ZNF215: variants seen among roughly 807,000 people sequenced by gnomAD.
The protein encoded by ZNF215 is BWSCR2-associated zinc finger protein 2.
Under a neutral mutation model 27.2 loss-of-function variants are expected in ZNF215, and 24 were observed. The observed-to-expected ratio is 0.88, with a 90% CI of 0.64 to 1.24. ZNF215 has a LOEUF of 1.24. Among genes scored for constraint, ZNF215 ranks in the 50% most tolerant of loss-of-function variants. The pLI is 0.00. For synonymous variants in ZNF215, 210 were observed against 204.0 expected (o/e 1.03, Z -0.25); for missense variants, 675 against 605.7 (o/e 1.11, Z -1.20).
intron 4 of ZNF215, 61 bp from the exon 5 acceptor site, chr11:6,943,022 C>T (rs558681941): frequency 5.7e-6 from 9 of 1,571,248 alleles, no homozygotes; most frequent in African/African-American, 2.7e-5. Context: ...CAAATCCATT[C>T]CTTCTCTGGT....
chr11:6,969,471 G>A (rs1193879645), intron 5 of ZNF215, among the ~76,000 whole-genome samples: 3 of 151,402 alleles, frequency 2.0e-5, no homozygotes, highest in Non-Finnish European at 2.9e-5. Flanking sequence ...AAGCAAACAA[G>A]AAAATTTTCA....
chr11:6,992,477 T>G (rs17277839), downstream of ZNF215, among the ~76,000 whole-genome samples: 12,342 of 152,284 alleles, frequency 0.081, 558 homozygotes, highest in East Asian at 0.18. Context: ...GATATCAACT[T>G]TGTCTTAAAT....
downstream of ZNF215, among the ~76,000 whole-genome samples, chr11:6,959,422 ATTG>A (rs1388034416): frequency 6.6e-6 from 1 of 152,230 alleles, no homozygotes; most frequent in Non-Finnish European, 1.5e-5. Flanking sequence ...GTGAGATAAA[ATTG>A]TTGTTAATTC....
At chr11:6,926,876 A>T (rs1590039170) in intron 1 of ZNF215, 191 bp downstream of exon 1, 1 of 149,384 alleles carries the variant, frequency 6.7e-6, no homozygotes, top group Admixed American at 6.8e-5. Flanking sequence ...GTGCCGGAAA[A>T]CCTGGAGGAG....
Position 6,956,381 on chromosome 11 carries a change from A to G in ZNF215, c.1404A>G (p.Gly468=). Reference sequence around the variant, plus strand: ...ATTTCTATCAATGTGTTAACTGTGGAAAATCCTTCAACCGGAGCTCCTCTC... The same window carrying G: ...ATTTCTATCAATGTGTTAACTGTGGGAAATCCTTCAACCGGAGCTCCTCTC... The part of the protein sequence containing the change: ...GNNFYQCVNC[G]KSFNRSSSLI... Residue 468 remains glycine (G), a synonymous_variant, in exon 7 of 7, where the codon GGA becomes GGG. Transcript: ENST00000278319. 10 of 1,614,176 alleles carry G rather than the reference A, an allele frequency of 6.2e-6. No homozygotes were observed. Among genetic ancestry groups the G allele is most frequent in the Non-Finnish European group, 8.5e-6 (10 of 1,180,016 alleles).
intron 5 of ZNF215, among the ~76,000 whole-genome samples, chr11:6,966,053 T>C (rs1342872002): frequency 6.6e-6 from 1 of 152,192 alleles, no homozygotes; most frequent in Non-Finnish European, 1.5e-5. Context: ...GCTTCCTTTG[T>C]TGGAAAGTTT....
intron 5 of ZNF215, among the ~76,000 whole-genome samples, chr11:6,976,408 A>G (rs1179970319): frequency 6.6e-6 from 1 of 152,050 alleles, no homozygotes; most frequent in Admixed American, 6.6e-5. Flanking sequence ...AGTAGAGGTT[A>G]CCTGAGAATA....
downstream of ZNF215, among the ~76,000 whole-genome samples, chr11:6,962,863 G>A (rs1361109478): frequency 6.6e-6 from 1 of 152,108 alleles, no homozygotes; most frequent in Non-Finnish European, 1.5e-5. Context: ...CAATGACGCT[G>A]ATTGTAAGTT....
intron 6 of ZNF215, among the ~76,000 whole-genome samples, chr11:6,946,791 G>A (rs892717655): frequency 1.3e-5 from 2 of 152,120 alleles, no homozygotes; most frequent in African/African-American, 4.8e-5. Context: ...TTTGAGGGTA[G>A]GCATAATGTT....
chr11:6,958,250 A>C (rs1564968414), downstream of ZNF215, among the ~76,000 whole-genome samples: 1 of 152,206 alleles, frequency 6.6e-6, no homozygotes, highest in African/African-American at 2.4e-5. Flanking sequence ...GACTTTTTAA[A>C]TTTAGGTATT....
At chr11:6,979,207 T>G (rs1174379724) in intron 5 of ZNF215, among the ~76,000 whole-genome samples, 7 of 152,048 alleles carry the variant, frequency 4.6e-5, no homozygotes, top group Non-Finnish European at 7.4e-5. Flanking sequence ...GATACTGTAC[T>G]CTGAGTGACA....
At chr11:6,989,513 TCAAC>T (rs1851095809), downstream of ZNF215, among the ~76,000 whole-genome samples, 1 of 152,154 alleles carries the variant, frequency 6.6e-6, no homozygotes, top group Non-Finnish European at 1.5e-5. Context: ...TATTGTCAGA[TCAAC>T]CAAGTTATAA....
chr11:6,958,027 A>T lies in ZNF215; in HGVS notation c.*1496A>T. ...AGGTATACTGGAGTGAACTCCTATG[A>T]TTAAATAATGTCAAAATCTATGTTT... is the stretch of plus-strand genomic sequence containing the variant. On this transcript the variant is annotated 3_prime_UTR_variant, in exon 7 of 7. Transcript: ENST00000278319. 1.0e-6 allele frequency: 1 copy of T among 985,424 alleles called. No individual in the cohort carries two copies. The highest frequency in any genetic ancestry group is 1.2e-6 in the Non-Finnish European group (1 of 829,932). 61.0% of individuals were successfully genotyped at this position (985,424 alleles called of 1,614,324 possible).
At chr11:6,948,884 T>A (rs12797463) in intron 6 of ZNF215, among the ~76,000 whole-genome samples, 1 of 142,490 alleles carries the variant, frequency 7.0e-6, no homozygotes, top group Non-Finnish European at 1.5e-5. Context: ...TATCTCCTAA[T>A]GCTATCCCTC....
downstream of ZNF215, among the ~76,000 whole-genome samples, chr11:6,992,177 C>T (rs1851123014): frequency 6.6e-6 from 1 of 152,184 alleles, no homozygotes; most frequent in Non-Finnish European, 1.5e-5. Context: ...AGAGAAAAAG[C>T]ACAGCCCAGC....
At chr11:6,927,464 C>G (rs1315432664) in intron 1 of ZNF215, among the ~76,000 whole-genome samples, 198 bp from the exon 2 acceptor site, 1 of 152,148 alleles carries the variant, frequency 6.6e-6, no homozygotes, top group Non-Finnish European at 1.5e-5. Flanking sequence ...AGCAGCTGTT[C>G]GAGTTCCTTG....
At chr11:6,933,467 C>G (rs1028526400) in intron 3 of ZNF215, among the ~76,000 whole-genome samples, 1 of 152,104 alleles carries the variant, frequency 6.6e-6, no homozygotes, top group African/African-American at 2.4e-5. Context: ...AGGAGAAATA[C>G]AAATCCTTAG....
rs1590055988 is a variant in ZNF215, at chr11:6,943,182, G to A, written c.583G>A (p.Glu195Lys). ...VKNLYRNVML[E>K]NFRNLNSLRK... is the part of the protein sequence containing the mutation. ...GAACCTGTACAGGAATGTGATGCTGGAAAACTTTAGGAACCTGAATTCATT... is the reference window on the plus strand; with the variant it reads ...GAACCTGTACAGGAATGTGATGCTGAAAAACTTTAGGAACCTGAATTCATT... Residue 195 changes from glutamate (E) to lysine (K), a missense_variant, in exon 5 of 7, where the codon GAA becomes AAA. By Grantham distance (56) the Glu-to-Lys change is moderately conservative (BLOSUM62 1). Transcript: ENST00000278319. The A allele has an allele frequency of 1.2e-6, 2 of 1,613,626 alleles. No individual in the cohort carries two copies. The highest frequency in any genetic ancestry group is 1.7e-6 in the Non-Finnish European group (2 of 1,179,850).
downstream of ZNF215, among the ~76,000 whole-genome samples, chr11:6,961,677 C>T (rs1409368062): frequency 6.6e-6 from 1 of 152,124 alleles, no homozygotes; most frequent in Non-Finnish European, 1.5e-5. Flanking sequence ...TGGTTATCCT[C>T]TTTTGATTCT....
Sources: gnomAD v4.1 joint callset for allele counts (sites outside exome capture counted in the v4.1 genomes callset) on GRCh38, gnomAD v4.1.1 for gene constraint, MANE v1.5 for transcripts, NCBI Gene and HGNC (gene_info 2026-07-23, HGNC 2026-07-21) for gene names.